MED13: variants seen among roughly 807,000 people sequenced by gnomAD.
MED13 encodes mediator of RNA polymerase II transcription subunit 13.
In MED13, 23 loss-of-function variants were observed where a neutral mutation model predicts 225.2. That is an observed-to-expected ratio of 0.10 (90% confidence interval 0.07 to 0.14). MED13 has a LOEUF of 0.14. Ranked by LOEUF, MED13 falls within the 10% of genes least tolerant of loss-of-function variation. The pLI, the probability that MED13 is intolerant of heterozygous loss-of-function variation, is 1.00. For missense variants in MED13, 2,197 were observed against 2,594.5 expected (o/e 0.85, Z 3.33); for synonymous variants, 942 against 889.2 (o/e 1.06, Z -1.06).
intron 16 of MED13, among the ~76,000 whole-genome samples, chr17:61,973,366 A>G (rs532712509): frequency 1.3e-5 from 2 of 152,328 alleles, no homozygotes; most frequent in South Asian, 4.1e-4. Context: ...TACAGAAATT[A>G]TACAGTAACT....
chr17:61,970,463 T>C (rs2080097105), intron 17 of MED13, among the ~76,000 whole-genome samples: 1 of 152,038 alleles, frequency 6.6e-6, no homozygotes, highest in Non-Finnish European at 1.5e-5. Flanking sequence ...GGTGGATCAC[T>C]TGAGGCAAGC....
chr17:61,949,323 T>G (rs1279622935), intron 28 of MED13, among the ~76,000 whole-genome samples: 7 of 151,980 alleles, frequency 4.6e-5, no homozygotes, highest in African/African-American at 1.7e-4. Context: ...CCTCTTGTGC[T>G]CATGCGATCC....
chr17:61,946,373 A>G lies in MED13; in HGVS notation c.*95T>C, dbSNP rs1013200722. 2 of 1,420,984 alleles carry G rather than the reference A, an allele frequency of 1.4e-6. No homozygotes were observed. Among genetic ancestry groups the G allele is most frequent in the Non-Finnish European group, 1.9e-6 (2 of 1,040,740 alleles). 88.0% of individuals were successfully genotyped at this position (1,420,984 alleles called of 1,614,324 possible). On this transcript the variant is annotated 3_prime_UTR_variant, in exon 30 of 30. Coordinates refer to ENST00000397786, the MANE Select transcript of MED13 (RefSeq NM_005121.3). ...GTAATAAGAATTAGACCCCATCACAAATGACCTTCACTGAGAAGATAATTG... is the reference window on the plus strand; with the variant it reads ...GTAATAAGAATTAGACCCCATCACAGATGACCTTCACTGAGAAGATAATTG...
rs671347 is a variant in MED13, at chr17:61,966,523, G to A, written c.4320C>T (p.Asp1440=). The A allele has an allele frequency of 1, 1,612,329 of 1,614,014 alleles. 805,339 individuals carry two copies. Among genetic ancestry groups the A allele is most frequent in the East Asian group, 1 (44,858 of 44,858 alleles). The change falls in exon 19 of 30, where the codon GAC becomes GAT. Residue 1440 remains aspartate (D), a synonymous_variant. Transcript: ENST00000397786. ...GTTTAGAAAATGCTTCATTGTTACC[G>A]TCAGCTGCCTGAGAAAACCATTCTG... is the stretch of plus-strand genomic sequence containing the variant. ...LVAEWFSQAA[D]GNNEAFSKLK...
At chr17:62,051,698 C>G (rs1048744935) in intron 3 of MED13, among the ~76,000 whole-genome samples, 2 of 152,114 alleles carry the variant, frequency 1.3e-5, no homozygotes, top group African/African-American at 4.8e-5. Flanking sequence ...ACATCAAAGA[C>G]CTCAAAATGA....
Position 62,065,278 on chromosome 17 carries a change from G to A in MED13, c.-73C>T, listed in dbSNP as rs948681785. On this transcript the variant is annotated 5_prime_UTR_variant, in exon 1 of 30. Coordinates refer to ENST00000397786, the MANE Select transcript of MED13 (RefSeq NM_005121.3). ...TTACCGCCGCCTCCGACCAGAGAGA[G>A]AAACACAGACACCGGGGAGGGCCGG... 2.0e-6 allele frequency: 1 copy of A among 488,546 alleles called. No individual in the cohort carries two copies. Among genetic ancestry groups the A allele is most frequent in the Non-Finnish European group, 3.6e-6 (1 of 279,982 alleles). 30.3% of individuals were successfully genotyped at this position (488,546 alleles called of 1,614,324 possible). A position where few individuals can be genotyped will look rare whatever the true frequency, so the allele number is the denominator to read the frequency against.
intron 10 of MED13, among the ~76,000 whole-genome samples, chr17:61,994,340 A>T (rs1240870423): frequency 6.6e-6 from 1 of 152,150 alleles, no homozygotes; most frequent in Non-Finnish European, 1.5e-5. Context: ...TGTGTAGCAA[A>T]GTTATCTTAA....
At chr17:62,042,582 CA>C (rs1194141775) in intron 3 of MED13, among the ~76,000 whole-genome samples, 2 of 140,756 alleles carry the variant, frequency 1.4e-5, no homozygotes, top group African/African-American at 5.6e-5. Flanking sequence ...AAAAAAAAAC[CA>C]AAAAAACCCC....
At chr17:62,049,251 A>G (rs2080932440) in intron 3 of MED13, among the ~76,000 whole-genome samples, 1 of 152,132 alleles carries the variant, frequency 6.6e-6, no homozygotes, top group African/African-American at 2.4e-5. Context: ...AGGAGAAAAA[A>G]AGGGAAACTC....
intron 2 of MED13, among the ~76,000 whole-genome samples, chr17:62,052,991 A>G (rs1443240831): frequency 1.3e-5 from 2 of 152,202 alleles, no homozygotes; most frequent in Non-Finnish European, 2.9e-5. Context: ...TCCTGTATTA[A>G]TGAAAAGGAC....
intron 9 of MED13, among the ~76,000 whole-genome samples, chr17:62,001,756 T>C (rs2080397149): frequency 6.6e-6 from 1 of 152,254 alleles, no homozygotes; most frequent in African/African-American, 2.4e-5. Context: ...GATAATATGC[T>C]ATTTTCCATT....
chr17:61,991,334 G>T (rs901564398), intron 11 of MED13, among the ~76,000 whole-genome samples: 4 of 151,770 alleles, frequency 2.6e-5, no homozygotes, highest in African/African-American at 9.7e-5. Context: ...GGCCAGGCTG[G>T]TCTTCACCTC....
rs754915995 is a variant in MED13, at chr17:61,965,224, TGATGAA to T, written c.4620_4625del (p.Ser1543_Ser1544del). On this transcript the variant is annotated inframe_deletion, in exon 20 of 30. Transcript: ENST00000397786. ...ATACTCCACTATTCAAGTTGGAGGA[TGATGAA>T]GATGAAGTTGAAGCTGTGGTCAAAG... 7.4e-6 allele frequency: 12 copies of T among 1,614,184 alleles called. No homozygotes were observed. The highest frequency in any genetic ancestry group is 1.6e-4 in the Middle Eastern group (1 of 6,062).
At chr17:61,978,505 C>T (rs1424741467) in intron 16 of MED13, among the ~76,000 whole-genome samples, 2 of 152,122 alleles carry the variant, frequency 1.3e-5, no homozygotes, top group African/African-American at 4.8e-5. Flanking sequence ...GGAATCCCAG[C>T]ACTTTGTGGG....
chr17:62,033,754 T>C, intron 5 of MED13, 33 bp downstream of exon 5: 1 of 1,596,864 alleles, frequency 6.3e-7, no homozygotes, highest in South Asian at 1.1e-5. Flanking sequence ...AATCATGCAT[T>C]TTCCCCTTAG....
intron 28 of MED13, among the ~76,000 whole-genome samples, chr17:61,950,201 C>T (rs2079884790): frequency 6.6e-6 from 1 of 151,966 alleles, no homozygotes; most frequent in Admixed American, 6.6e-5. Flanking sequence ...TTTCTCTCAG[C>T]TCTAAATTTC....
chr17:62,034,691 G>C (rs765771605), intron 4 of MED13, among the ~76,000 whole-genome samples: 3 of 151,968 alleles, frequency 2.0e-5, no homozygotes, highest in Non-Finnish European at 2.9e-5. Context: ...GCAAATATTA[G>C]GTTTAAAGTT....
intron 2 of MED13, among the ~76,000 whole-genome samples, chr17:62,061,984 G>C (rs1007038732): frequency 6.6e-6 from 1 of 152,136 alleles, no homozygotes; most frequent in African/African-American, 2.4e-5. Flanking sequence ...ACATACAAAT[G>C]TAACACGTAC....
chr17:62,052,404 G>C, intron 3 of MED13, 133 bp downstream of exon 3: 1 of 505,658 alleles, frequency 2.0e-6, no homozygotes, highest in Non-Finnish European at 3.1e-6. Context: ...AAACCTGACT[G>C]TATCTAGTAC....
Sources: gnomAD v4.1 joint callset for allele counts (sites outside exome capture counted in the v4.1 genomes callset) on GRCh38, gnomAD v4.1.1 for gene constraint, MANE v1.5 for transcripts, NCBI Gene and HGNC (gene_info 2026-07-23, HGNC 2026-07-21) for gene names.